Variants in ARHGEF1 observed in about 807,000 individuals in gnomAD.
ARHGEF1 encodes Rho guanine nucleotide exchange factor 1, also known as 115 kDa guanine nucleotide exchange factor.
Under a neutral mutation model 119.7 loss-of-function variants are expected in ARHGEF1, and 40 were observed. That is an observed-to-expected ratio of 0.33 (90% CI 0.26 to 0.44). The LOEUF is 0.44. ARHGEF1 is among the 20% of genes least tolerant of loss of function. ARHGEF1 has a pLI of 1.00. For synonymous variants in ARHGEF1, 494 were observed against 521.0 expected (o/e 0.95, Z 0.71); for missense variants, 976 against 1,268.3 (o/e 0.77, Z 3.50).
At chr19:41,909,296 C>T, downstream of ARHGEF1, 1 of 1,233,704 alleles carries the variant, frequency 8.1e-7, no homozygotes, top group Non-Finnish European at 1.0e-6. The surrounding 1 kb of genome is among the most constrained non-coding windows in gnomAD (Gnocchi z 5.2). Context: ...AGGGGAGGAG[C>T]ATCTGGCCCT....
At chr19:41,913,004 G>T in intron 18 of ARHGEF1, 1 of 632,344 alleles carries the variant, frequency 1.6e-6, no homozygotes, top group Non-Finnish European at 2.3e-6. Context: ...CCAGCGGGGC[G>T]CTGCCCGGGG....
chr19:41,906,406 C>T lies in ARHGEF1; in HGVS notation c.2492-51C>T. On this transcript the variant is annotated intron_variant, in intron 26 of 28. Transcript: ENST00000354532. The surrounding 1 kb of genome is among the most constrained non-coding windows in gnomAD (Gnocchi z 4.5). The stretch of plus-strand genomic sequence containing the variant: ...CCTTTGGAATCCCCCATCCCAGATC[C>T]CAGCCCAGCCCCCTGGTCTCCTGAC... 1 of 1,510,078 alleles carries T rather than the reference C, an allele frequency of 6.6e-7. No individual in the cohort carries two copies. The highest frequency in any genetic ancestry group is 2.4e-5 in the Admixed American group (1 of 42,274). The allele number at this position is 1,510,078 out of a possible 1,614,324, so 93.5% of individuals were successfully genotyped here.
intron 11 of ARHGEF1, among the ~76,000 whole-genome samples, chr19:41,894,885 A>G (rs1599643318): frequency 6.4e-5 from 2 of 31,274 alleles, no homozygotes; most frequent in Non-Finnish European, 5.0e-5. Context: ...CTGAGGGAGG[A>G]GGGACTGGGC....
rs781972789 is a variant in ARHGEF1, at chr19:41,903,298, T to C, written c.1739-9T>C. On this transcript the variant is annotated splice_polypyrimidine_tract_variant and intron_variant, in intron 18 of 28. Transcript: ENST00000354532. This position sits in a 1 kb window ranked among gnomAD's most constrained non-coding sequence, Gnocchi z 4.2. ...GGTTCACCAGAGCTGCTCTCTCCCT[T>C]GCCTGCAGAAGAGCCCACAGAACGG... The C allele has an allele frequency of 1.2e-6, 2 of 1,613,430 alleles. No individual in the cohort carries two copies.
intron 18 of ARHGEF1, among the ~76,000 whole-genome samples, chr19:41,913,442 C>T (rs1238638517): frequency 6.6e-6 from 1 of 151,890 alleles, no homozygotes; most frequent in Non-Finnish European, 1.5e-5. Context: ...CCCGCCCCAC[C>T]CGGACGACCC....
downstream of ARHGEF1, chr19:41,909,106 C>G: frequency 1.6e-6 from 2 of 1,231,912 alleles, no homozygotes; most frequent in Non-Finnish European, 2.0e-6. The surrounding 1 kb of genome is among the most constrained non-coding windows in gnomAD (Gnocchi z 5.2). Flanking sequence ...ATTTATCTGT[C>G]TCGGAGGTGA....
intron 2 of ARHGEF1, chr19:41,929,550 T>C (rs1555853673): frequency 6.5e-6 from 1 of 153,746 alleles, no homozygotes; most frequent in East Asian, 1.9e-4. Flanking sequence ...TACCCTCCTA[T>C]TCCCTCCCTT....
Position 41,904,102 on chromosome 19 carries a change from AG to A in ARHGEF1, c.1987del (p.Ala663GlnfsTer32). 1 of 1,614,194 alleles carries A rather than the reference AG, an allele frequency of 6.2e-7. No homozygotes were observed. The highest frequency in any genetic ancestry group is 8.5e-7 in the Non-Finnish European group (1 of 1,180,022). On this transcript the variant is annotated frameshift_variant, in exon 21 of 29. Coordinates refer to ENST00000354532, the MANE Select transcript of ARHGEF1 (RefSeq NM_004706.4). LOFTEE classifies it high-confidence loss of function. The surrounding 1 kb of genome is among the most constrained non-coding windows in gnomAD (Gnocchi z 8.4). ...CTGACGTGGCGGGTGACTAAGGACA[AG>A]GCAGTGGGTGAGTGCCAGAGCAGCT... ...GPLTWRVTKD[K>X]AVEVHVLLLD...
chr19:41,904,100 C>T lies in ARHGEF1; in HGVS notation c.1983C>T (p.Asp661=). The T allele has an allele frequency of 6.2e-7, 1 of 1,614,180 alleles. No individual in the cohort carries two copies. Among genetic ancestry groups the T allele is most frequent in the East Asian group, 2.2e-5 (1 of 44,874 alleles). Residue 661 remains aspartate (D), a synonymous_variant, in exon 21 of 29, where the codon GAC becomes GAT. Transcript: ENST00000354532. The surrounding 1 kb of genome is among the most constrained non-coding windows in gnomAD (Gnocchi z 8.4). ...EGPLTWRVTK[D]KAVEVHVLLL... ...CACTGACGTGGCGGGTGACTAAGGA[C>T]AAGGCAGTGGGTGAGTGCCAGAGCA...
intron 1 of ARHGEF1, among the ~76,000 whole-genome samples, chr19:41,926,117 G>A (rs1190807054): frequency 1.3e-5 from 2 of 152,040 alleles, no homozygotes; most frequent in African/African-American, 2.4e-5. Context: ...GGTAGGAAGG[G>A]GCCAGTGTGA....
intron 8 of ARHGEF1, 72 bp from the exon 9 acceptor site, chr19:41,894,135 A>AGAGT (rs1313653141): frequency 1.3e-4 from 61 of 486,004 alleles, no homozygotes; most frequent in Middle Eastern, 5.6e-4. Context: ...TGTGTGTGTG[A>AGAGT]GTGTGTGTGT....
At chr19:41,929,311 A>G (rs976465036) in intron 2 of ARHGEF1, among the ~76,000 whole-genome samples, 2 of 151,908 alleles carry the variant, frequency 1.3e-5, no homozygotes, top group African/African-American at 4.8e-5. Context: ...CCTCACTAAC[A>G]CATAGGCAGA....
chr19:41,888,160 C>G lies in ARHGEF1; in HGVS notation c.25-32C>G. The G allele has an allele frequency of 6.2e-7, 1 of 1,614,040 alleles. No individual in the cohort carries two copies. Among genetic ancestry groups the G allele is most frequent in the African/African-American group, 1.3e-5 (1 of 75,040 alleles). Reference sequence around the variant, plus strand: ...ACTCTGGGGCTGTGGGTGGAGAGTCCTGTGGACTGAAGCTGCCCTCCCTTT... The same window carrying G: ...ACTCTGGGGCTGTGGGTGGAGAGTCGTGTGGACTGAAGCTGCCCTCCCTTT... On this transcript the variant is annotated intron_variant, in intron 2 of 28. Coordinates refer to ENST00000354532, the MANE Select transcript of ARHGEF1 (RefSeq NM_004706.4). This position sits in a 1 kb window ranked among gnomAD's most constrained non-coding sequence, Gnocchi z 5.1.
intron 1 of ARHGEF1, chr19:41,927,983 T>C (rs1001220874): frequency 2.2e-4 from 33 of 150,508 alleles, no homozygotes; most frequent in African/African-American, 7.8e-4. Context: ...CGCCCCCTCC[T>C]GGGGCGGGAA....
chr19:41,905,449 CAT>C lies in ARHGEF1; in HGVS notation c.2336+189_2336+190del, dbSNP rs1273366657. 2.6e-5 allele frequency: 16 copies of C among 626,056 alleles called. No homozygotes were observed. Among genetic ancestry groups the C allele is most frequent in the Admixed American group, 5.9e-5 (2 of 34,172 alleles). 38.8% of individuals were successfully genotyped at this position (626,056 alleles called of 1,614,324 possible). ...TGCATATATAGTGTGTGTATGCATG[CAT>C]GTGTGCGTGTGCATGTGTGTGCGTG... is the stretch of plus-strand genomic sequence containing the variant. On this transcript the variant is annotated intron_variant, in intron 24 of 28. Coordinates refer to ENST00000354532, the MANE Select transcript of ARHGEF1 (RefSeq NM_004706.4). The surrounding 1 kb of genome is among the most constrained non-coding windows in gnomAD (Gnocchi z 6.4).
At position 41,917,551 on chromosome 19, in the gene ARHGEF1, T is replaced by C. The variant is rs1599676892; in HGVS notation, c.1866-5541T>C. 1.3e-5 allele frequency among the ~76,000 whole-genome samples: 2 copies of C among 149,786 alleles called. 1 individual carries two copies. The highest frequency in any genetic ancestry group is 4.2e-4 in the South Asian group (2 of 4,756). ...ATTGATTTTTTTTTTAAATTTCATA[T>C]CTTCTCCGGGGCTCTGTCTAAAGAG... is the stretch of plus-strand genomic sequence containing the variant. On this transcript the variant is annotated intron_variant, in intron 18 of 20. Transcript: ENST00000599589. The surrounding 1 kb of genome is among the most constrained non-coding windows in gnomAD (Gnocchi z 4.8).
In ARHGEF1 at chr19:41,914,634, T is replaced by C. The variant is rs370661071; in HGVS notation, c.1865+7831T>C. The stretch of plus-strand genomic sequence containing the variant: ...CCTCCCCTTCCACCATCTCTGTCTC[T>C]GTCTCTCCCTCCCTTTCCACCATCT... On this transcript the variant is annotated intron_variant, in intron 18 of 20. Transcript: ENST00000599589. Among the ~76,000 whole-genome samples the C allele has an allele frequency of 7.9e-3, 279 of 35,358 alleles. 40 individuals carry two copies. The highest frequency in any genetic ancestry group is 0.015 in the South Asian group (11 of 754). The allele number at this position is 35,358 out of a possible 152,430, so 23.2% of individuals were successfully genotyped here.
Position 41,927,976 on chromosome 19 carries a change from C to T in ARHGEF1, c.141-855C>T, listed in dbSNP as rs2074881716. Reference sequence around the variant, plus strand: ...CTCCCGGGACCACCCCCGCGCCCGCCCCCTCCTGGGGCGGGAATCCCCGCC... The same window carrying T: ...CTCCCGGGACCACCCCCGCGCCCGCTCCCTCCTGGGGCGGGAATCCCCGCC... On this transcript the variant is annotated intron_variant, in intron 1 of 2. Transcript: ENST00000594417. 6 of 152,126 alleles carry T rather than the reference C, an allele frequency of 3.9e-5. No individual in the cohort carries two copies. In the South Asian group the frequency reaches 1.2e-3, roughly 32 times the overall value. The allele number at this position is 152,126 out of a possible 1,614,324, so 9.4% of individuals were successfully genotyped here. A position where few individuals can be genotyped will look rare whatever the true frequency, so the allele number is the denominator to read the frequency against.
rs781938199 is a variant in ARHGEF1, at chr19:41,896,682, T to C, written c.1121+200T>C. 21 of 696,948 alleles carry C rather than the reference T, an allele frequency of 3.0e-5. No individual in the cohort carries two copies. The African/African-American group carries it at 3.7e-4, about 12-fold the overall frequency. The allele number at this position is 696,948 out of a possible 1,614,324, so 43.2% of individuals were successfully genotyped here. The stretch of plus-strand genomic sequence containing the variant: ...CCTCCTGCTTCCTCATTGCCCCCCT[T>C]TCCTTTTATCCTTCCTTTTTCCTCT... On this transcript the variant is annotated intron_variant, in intron 13 of 28. Coordinates refer to ENST00000354532, the MANE Select transcript of ARHGEF1 (RefSeq NM_004706.4).
Sources: gnomAD v4.1 joint callset for allele counts (sites outside exome capture counted in the v4.1 genomes callset) on GRCh38, gnomAD v4.1.1 for gene constraint, Gnocchi (gnomAD v3.1) non-coding constraint, MANE v1.5 for transcripts, NCBI Gene and HGNC (gene_info 2026-07-23, HGNC 2026-07-21) for gene names.